Variants in IQGAP2 observed in about 807,000 individuals in gnomAD.
IQGAP2 encodes the protein ras GTPase-activating-like protein IQGAP2.
IQGAP2 carries 173 observed loss-of-function variants against 201.3 expected under a neutral mutation model. That is an observed-to-expected ratio of 0.86 (90% CI 0.76 to 0.98). The LOEUF (loss-of-function observed/expected upper bound fraction) is 0.98, where lower values mean the gene tolerates loss of function less well. Ranked by LOEUF, IQGAP2 falls within the 50% of genes least tolerant of loss-of-function variation. IQGAP2 has a pLI of 0.00. For synonymous variants in IQGAP2, 675 were observed against 673.9 expected (o/e 1.00, Z -0.03); for missense variants, 1,687 against 1,864.8 (o/e 0.90, Z 1.76).
intron 2 of IQGAP2, among the ~76,000 whole-genome samples, chr5:76,532,363 A>G (rs1337518327): frequency 6.6e-6 from 1 of 151,684 alleles, no homozygotes; most frequent in African/African-American, 2.4e-5. Flanking sequence ...AAGAAAAAAA[A>G]CCCATATGGA....
At chr5:76,681,372 G>A (rs1269389459) in intron 28 of IQGAP2, among the ~76,000 whole-genome samples, 8 of 151,738 alleles carry the variant, frequency 5.3e-5, no homozygotes, top group Admixed American at 4.6e-4. Context: ...CCTACGAATC[G>A]ACAACAAAAC....
intron 3 of IQGAP2, among the ~76,000 whole-genome samples, chr5:76,567,385 TA>T (rs1268235037): frequency 6.6e-6 from 1 of 152,216 alleles, no homozygotes; most frequent in African/African-American, 2.4e-5. Flanking sequence ...CCAGAATTTG[TA>T]AAAATCAGAA....
chr5:76,624,897 A>T (rs1184045589), intron 13 of IQGAP2, among the ~76,000 whole-genome samples: 1 of 152,122 alleles, frequency 6.6e-6, no homozygotes, highest in East Asian at 1.9e-4. Flanking sequence ...AACATGGTGA[A>T]ACCCCATCTC....
rs569177181 is a variant in IQGAP2 at position 76,683,230 on chromosome 5, TC to T, written c.3763+15del. 5.0e-4 allele frequency: 796 copies of T among 1,585,168 alleles called. 1 individual carries two copies. The African/African-American group carries it at 9.5e-3, about 19-fold the overall frequency. Reference sequence around the variant, plus strand: ...GAATCTTTTCTTGGTAAGAGCTTGTTCCTTCTACTTATCCCTTGGTTTTTGT... The same window carrying T: ...GAATCTTTTCTTGGTAAGAGCTTGTTCTTCTACTTATCCCTTGGTTTTTGT... On this transcript the variant is annotated intron_variant, in intron 29 of 35. Coordinates refer to ENST00000274364, the MANE Select transcript of IQGAP2 (RefSeq NM_006633.5).
chr5:76,568,094 A>G (rs1198809256), intron 3 of IQGAP2, among the ~76,000 whole-genome samples: 1 of 152,238 alleles, frequency 6.6e-6, no homozygotes, highest in African/African-American at 2.4e-5. Flanking sequence ...ATTCTAAGTG[A>G]AGCAAACTCA....
chr5:76,406,421 C>T (rs937638880), intron 1 of IQGAP2, among the ~76,000 whole-genome samples: 1 of 152,172 alleles, frequency 6.6e-6, no homozygotes, highest in South Asian at 2.1e-4. Context: ...TGAAACAATT[C>T]AGTAACACAA....
Position 76,543,807 on chromosome 5 carries a change from C to T in IQGAP2, c.147-18589C>T, listed in dbSNP as rs111878060. Among the ~76,000 whole-genome samples, 865 of 152,188 alleles carry T rather than the reference C, an allele frequency of 5.7e-3. 7 individuals carry two copies. Among genetic ancestry groups the T allele is most frequent in the African/African-American group, 0.019 (807 of 41,536 alleles). On this transcript the variant is annotated intron_variant, in intron 2 of 35. Coordinates refer to ENST00000274364, the MANE Select transcript of IQGAP2 (RefSeq NM_006633.5). ...CTTTTATTTCTCAAGGTAGATGGGA[C>T]GAGGTTTTTTGTTTTTTGTTTTTGT...
At chr5:76,694,602 G>C (rs73764714) in intron 31 of IQGAP2, among the ~76,000 whole-genome samples, 274 of 152,326 alleles carry the variant, frequency 1.8e-3, no homozygotes, top group African/African-American at 5.8e-3. Flanking sequence ...AACATGTTAA[G>C]TGGGTACATC....
chr5:76,603,977 A>C (rs1419253184), intron 11 of IQGAP2, among the ~76,000 whole-genome samples: 2 of 152,108 alleles, frequency 1.3e-5, no homozygotes, highest in African/African-American at 4.8e-5. Context: ...ACTTTAAAAA[A>C]AATTTTTTTT....
chr5:76,627,796 C>G (rs1036915024), intron 14 of IQGAP2, among the ~76,000 whole-genome samples: 3 of 151,952 alleles, frequency 2.0e-5, no homozygotes, highest in African/African-American at 7.3e-5. Context: ...AGAACTAGAC[C>G]ATTTCTACTT....
intron 22 of IQGAP2, among the ~76,000 whole-genome samples, chr5:76,665,871 A>G (rs1231733300): frequency 3.9e-5 from 6 of 152,230 alleles, no homozygotes; most frequent in Non-Finnish European, 8.8e-5. Context: ...AGGAAACTGC[A>G]TGATAGCAAT....
intron 13 of IQGAP2, among the ~76,000 whole-genome samples, chr5:76,625,179 C>A (rs568788569): frequency 3.4e-4 from 52 of 152,298 alleles, no homozygotes; most frequent in African/African-American, 1.2e-3. Context: ...GACTTAAATT[C>A]ATCTGATTTG....
intron 32 of IQGAP2, among the ~76,000 whole-genome samples, chr5:76,696,384 C>A (rs1177406978): frequency 6.6e-6 from 1 of 152,138 alleles, no homozygotes; most frequent in Admixed American, 6.5e-5. Flanking sequence ...TTTCTGTTTT[C>A]TTATCCAATA....
At chr5:76,648,189 A>G (rs1057412055) in intron 17 of IQGAP2, among the ~76,000 whole-genome samples, 1 of 152,180 alleles carries the variant, frequency 6.6e-6, no homozygotes, top group Non-Finnish European at 1.5e-5. Flanking sequence ...CCTCCCAGCA[A>G]TAACGAGGAG....
chr5:76,704,498 A>G (rs550423188), intron 35 of IQGAP2, among the ~76,000 whole-genome samples: 11 of 152,260 alleles, frequency 7.2e-5, no homozygotes, highest in Non-Finnish European at 1.5e-4. Context: ...ATTTATACAC[A>G]TAATGGATTG....
At chr5:76,689,786 A>G (rs1746107416) in intron 30 of IQGAP2, among the ~76,000 whole-genome samples, 1 of 152,230 alleles carries the variant, frequency 6.6e-6, no homozygotes, top group Non-Finnish European at 1.5e-5. Flanking sequence ...GATGTTAAAT[A>G]CTGAAAATAT....
At chr5:76,497,592 A>G (rs945629089) in intron 2 of IQGAP2, among the ~76,000 whole-genome samples, 3 of 152,228 alleles carry the variant, frequency 2.0e-5, no homozygotes, top group African/African-American at 4.8e-5. Context: ...GCATTCTTAA[A>G]TGAGAAGTTT....
chr5:76,561,566 C>T (rs1048473761), intron 2 of IQGAP2, among the ~76,000 whole-genome samples: 1 of 152,108 alleles, frequency 6.6e-6, no homozygotes, highest in Non-Finnish European at 1.5e-5. Flanking sequence ...GAACTGCACA[C>T]CGGGTTCTTG....
At chr5:76,627,624 T>C in intron 14 of IQGAP2, 124 bp downstream of exon 14, 1 of 639,378 alleles carries the variant, frequency 1.6e-6, no homozygotes, top group Non-Finnish European at 2.8e-6. Context: ...CTTGGACACA[T>C]AATTATACCG....
Sources: allele counts gnomAD v4.1 joint callset (sites outside exome capture counted in the v4.1 genomes callset), GRCh38; gene constraint gnomAD v4.1.1; transcripts MANE v1.5; gene names NCBI Gene and HGNC (gene_info 2026-07-23, HGNC 2026-07-21).